EPM2A: variants seen among roughly 807,000 people sequenced by gnomAD.
EPM2A encodes the protein EPM2A glucan phosphatase, laforin, also known as laforin.
EPM2A carries 21 observed loss-of-function variants against 26.5 expected under a neutral mutation model. The observed-to-expected ratio is 0.79, with a 90% CI of 0.56 to 1.14. EPM2A has a LOEUF of 1.14. EPM2A is among the 50% of genes most tolerant of loss of function. EPM2A has a pLI of 0.00. For synonymous variants in EPM2A, 217 were observed against 177.6 expected (o/e 1.22, Z -1.76); for missense variants, 458 against 440.8 (o/e 1.04, Z -0.35).
intron 4 of EPM2A, among the ~76,000 whole-genome samples, chr6:145,403,928 T>A (rs545747257): frequency 6.6e-6 from 1 of 152,132 alleles, no homozygotes. Flanking sequence ...CAGCATTCAT[T>A]ATTGCCTGTC....
intron 1 of EPM2A, among the ~76,000 whole-genome samples, chr6:145,693,055 T>C (rs760204824): frequency 1.5e-4 from 23 of 152,038 alleles, no homozygotes; most frequent in Non-Finnish European, 2.8e-4. Flanking sequence ...GCATAGAATA[T>C]TTTTCTATGT....
At chr6:145,652,504 G>A (rs1777954390) in intron 2 of EPM2A, among the ~76,000 whole-genome samples, 1 of 151,994 alleles carries the variant, frequency 6.6e-6, no homozygotes, top group Non-Finnish European at 1.5e-5. Context: ...GTACTAAAAT[G>A]TAATATACAT....
At chr6:145,560,790 A>T (rs974061340) in intron 2 of EPM2A, among the ~76,000 whole-genome samples, 5 of 152,178 alleles carry the variant, frequency 3.3e-5, no homozygotes, top group Non-Finnish European at 7.3e-5. Context: ...CAAACATGCC[A>T]TATAGCTCCC....
intron 2 of EPM2A, among the ~76,000 whole-genome samples, chr6:145,512,634 C>T (rs1320565519): frequency 6.8e-6 from 1 of 146,900 alleles, no homozygotes; most frequent in Non-Finnish European, 1.5e-5. Context: ...TTGCTTGAAC[C>T]CAGGAGGCAG....
intron 4 of EPM2A, among the ~76,000 whole-genome samples, chr6:145,432,070 C>A (rs1235764352): frequency 1.3e-5 from 2 of 152,222 alleles, no homozygotes; most frequent in Non-Finnish European, 2.9e-5. Flanking sequence ...GTCACATCTT[C>A]AGGAGCCACT....
At chr6:145,608,116 C>CGA (rs754084944) in intron 2 of EPM2A, among the ~76,000 whole-genome samples, 1 of 152,090 alleles carries the variant, frequency 6.6e-6, no homozygotes, top group South Asian at 2.1e-4. Flanking sequence ...AAAGATATTT[C>CGA]GAGAGAGAGA....
intron 4 of EPM2A, among the ~76,000 whole-genome samples, chr6:145,479,197 C>T (rs2114731794): frequency 6.7e-6 from 1 of 149,082 alleles, no homozygotes; most frequent in Non-Finnish European, 1.5e-5. Flanking sequence ...TATTATTATC[C>T]ATTTTTGCCA....
rs187778778 is a variant in EPM2A at position 145,486,540 on chromosome 6, C to T, written c.555+15982G>A. On this transcript the variant is annotated intron_variant, in intron 4 of 4. Coordinates refer to the EPM2A transcript ENST00000638717. ...GAGTCATCATATTTTACATTAATCTCGGGACTTGTTCATCCTACATAGTTT... is the reference window on the plus strand; with the variant it reads ...GAGTCATCATATTTTACATTAATCTTGGGACTTGTTCATCCTACATAGTTT... Among the ~76,000 whole-genome samples the T allele has an allele frequency of 5.2e-3, 794 of 152,194 alleles. 4 individuals are homozygous for T. The highest frequency in any genetic ancestry group is 8.6e-3 in the Non-Finnish European group (583 of 68,022).
chr6:145,544,037 G>C (rs189080854), intron 2 of EPM2A, among the ~76,000 whole-genome samples: 1 of 152,142 alleles, frequency 6.6e-6, no homozygotes, highest in Non-Finnish European at 1.5e-5. Flanking sequence ...TAAAGCTTCT[G>C]GTCAGTCTCA....
Position 145,531,357 on chromosome 6 carries a change from A to T in EPM2A, c.341-28782T>A, listed in dbSNP as rs551278302. On this transcript the variant is annotated intron_variant, in intron 2 of 3. Coordinates refer to the EPM2A transcript ENST00000450221. ...AATAGAATGTGCCCATTCCATTCTT[A>T]AAAATATGCTCAAAACACAGAAAGG... is the stretch of plus-strand genomic sequence containing the variant. Among the ~76,000 whole-genome samples, 9 of 152,284 alleles carry T rather than the reference A, an allele frequency of 5.9e-5. No homozygotes were observed. The East Asian group carries it at 1.7e-3, about 29-fold the overall frequency.
At chr6:145,474,187 C>T (rs575125334) in intron 4 of EPM2A, among the ~76,000 whole-genome samples, 8 of 152,112 alleles carry the variant, frequency 5.3e-5, no homozygotes, top group South Asian at 4.2e-4. Context: ...ATGGGACCAG[C>T]GTGGTGGCTC....
At chr6:145,395,338 C>A (rs1778390518) in intron 4 of EPM2A, among the ~76,000 whole-genome samples, 1 of 152,134 alleles carries the variant, frequency 6.6e-6, no homozygotes, top group East Asian at 1.9e-4. Flanking sequence ...AAATTATGAT[C>A]TCCCCTTTTC....
Position 145,723,512 on chromosome 6 carries a change from A to G in EPM2A, c.301+11686T>C, listed in dbSNP as rs1407759360. 2.6e-5 allele frequency among the ~76,000 whole-genome samples: 4 copies of G among 152,290 alleles called. No individual in the cohort carries two copies. The East Asian group carries it at 7.7e-4, about 29-fold the overall frequency. On this transcript the variant is annotated intron_variant, in intron 1 of 3. Transcript: ENST00000367519. ...AAAATCAAGACTTATTATTTTGCAA[A>G]AAATTTAAGAATATGCTGGACAAAT...
intron 2 of EPM2A, among the ~76,000 whole-genome samples, chr6:145,560,279 C>T (rs1336386634): frequency 1.3e-5 from 2 of 152,084 alleles, no homozygotes; most frequent in African/African-American, 4.8e-5. Context: ...TCTAGGAAAT[C>T]CAATCATCAG....
chr6:145,689,134 ATTTCT>A lies in EPM2A; in HGVS notation c.302-2843_302-2839del, dbSNP rs573923841. Among the ~76,000 whole-genome samples, 531 of 152,312 alleles carry A rather than the reference ATTTCT, an allele frequency of 3.5e-3. 1 individual carries two copies. The highest frequency in any genetic ancestry group is 0.01 in the African/African-American group (431 of 41,568). ...ATAAGAATTCTTCATTCCTAGAGTG[ATTTCT>A]TTAATTACTCATTTTTACACATTTA... On this transcript the variant is annotated intron_variant, in intron 1 of 3. Transcript: ENST00000367519.
At chr6:145,447,561 G>T (rs760553335) in intron 4 of EPM2A, among the ~76,000 whole-genome samples, 48 of 151,678 alleles carry the variant, frequency 3.2e-4, no homozygotes, top group Non-Finnish European at 5.7e-4. Context: ...TTTTTCAGGG[G>T]TTTAAAAATG....
intron 2 of EPM2A, among the ~76,000 whole-genome samples, chr6:145,569,865 A>G (rs1447153754): frequency 3.3e-5 from 5 of 151,862 alleles, no homozygotes; most frequent in Non-Finnish European, 7.4e-5. Context: ...ATATATATAT[A>G]TAAAGGGGAA....
At chr6:145,595,659 T>A (rs1781333207) in intron 2 of EPM2A, among the ~76,000 whole-genome samples, 1 of 152,142 alleles carries the variant, frequency 6.6e-6, no homozygotes, top group Admixed American at 6.5e-5. Flanking sequence ...CCAATTATGA[T>A]TCTCAAAAGA....
intron 2 of EPM2A, among the ~76,000 whole-genome samples, chr6:145,560,513 T>A (rs1291628048): frequency 6.6e-6 from 1 of 152,162 alleles, no homozygotes; most frequent in Non-Finnish European, 1.5e-5. Context: ...GCATGGCTAC[T>A]TATTTACCAA....
Sources: gnomAD v4.1 joint callset for allele counts (sites outside exome capture counted in the v4.1 genomes callset) on GRCh38, gnomAD v4.1.1 for gene constraint, MANE v1.5 for transcripts, NCBI Gene and HGNC (gene_info 2026-07-23, HGNC 2026-07-21) for gene names.